The following USP22 variants were observed in gnomAD, a reference collection of about 807,000 sequenced individuals.
USP22 encodes the protein ubiquitin carboxyl-terminal hydrolase 22.
A neutral mutation model predicts 68.1 loss-of-function variants in USP22; 22 were observed. The ratio of observed to expected loss-of-function variants is 0.32; its 90% confidence interval spans 0.23 to 0.46. The LOEUF (loss-of-function observed/expected upper bound fraction) is 0.46. USP22 is among the 20% of genes least tolerant of loss of function. The pLI is 1.00. For synonymous variants in USP22, 279 were observed against 274.2 expected (o/e 1.02, Z -0.17); for missense variants, 433 against 695.8 (o/e 0.62, Z 4.25).
chr17:21,019,269 GCTGT>G, intron 3 of USP22, 84 bp from the exon 4 acceptor site: 2 of 1,379,674 alleles, frequency 1.4e-6, no homozygotes, highest in Non-Finnish European at 2.1e-6. Flanking sequence ...GTGGCGCTAT[GCTGT>G]CTGTCAGGGT....
intron 1 of USP22, among the ~76,000 whole-genome samples, chr17:21,037,191 A>G (rs1034961403): frequency 6.6e-6 from 1 of 152,252 alleles, no homozygotes; most frequent in Non-Finnish European, 1.5e-5. Context: ...ATGTTGATAT[A>G]CACAAATGAA....
intron 6 of USP22, among the ~76,000 whole-genome samples, chr17:21,014,941 C>T (rs969197748): frequency 6.6e-6 from 1 of 152,160 alleles, no homozygotes; most frequent in Non-Finnish European, 1.5e-5. Flanking sequence ...CCCTGCCCCC[C>T]ACAGATCTGC....
At chr17:21,009,006 G>A (rs147052909) in intron 8 of USP22, among the ~76,000 whole-genome samples, 114 of 145,432 alleles carry the variant, frequency 7.8e-4, no homozygotes, top group African/African-American at 2.9e-3. Context: ...CAGGAGAACC[G>A]CTTGAACCTG....
chr17:21,026,888 G>A (rs928812795), intron 2 of USP22, among the ~76,000 whole-genome samples: 4 of 150,152 alleles, frequency 2.7e-5, no homozygotes, highest in African/African-American at 7.4e-5. Context: ...TGCAACCTCC[G>A]CCTCCTGGGT....
chr17:21,015,774 G>A lies in USP22; in HGVS notation c.816C>T (p.Asp272=), dbSNP rs751768612. The change falls in exon 6 of 13, where the codon GAC becomes GAT. Residue 272 remains aspartate, a synonymous_variant. Transcript: ENST00000261497. ...CACCTTTGCAGTGTCGGTGGAGCAC[G>A]TCCAGGGCCGCGATGAGGAACTCGT... ...DAHEFLIAAL[D]VLHRHCKGDD... The A allele has an allele frequency of 1.4e-5, 22 of 1,613,364 alleles. No individual in the cohort carries two copies. The highest frequency in any genetic ancestry group is 4.4e-5 in the South Asian group (4 of 90,956).
Position 21,039,284 on chromosome 17 carries a change from T to C in USP22, c.171+3381A>G, listed in dbSNP as rs537160981. On this transcript the variant is annotated intron_variant, in intron 1 of 12. Transcript: ENST00000261497. ...TTTATAGTCTGCAATACAAGAGTTT[T>C]ATGGCAATTCGGGCCAGGCGCGGTG... Among the ~76,000 whole-genome samples, 547 of 151,690 alleles carry C rather than the reference T, an allele frequency of 3.6e-3. 2 individuals carry two copies. The highest frequency in any genetic ancestry group is 6.1e-3 in the Non-Finnish European group (417 of 67,842).
At chr17:21,020,858 G>C (rs564500061) in intron 3 of USP22, among the ~76,000 whole-genome samples, 2 of 152,224 alleles carry the variant, frequency 1.3e-5, no homozygotes, top group East Asian at 3.9e-4. Flanking sequence ...AGGCCCATGG[G>C]GGACCTGCAA....
intron 1 of USP22, among the ~76,000 whole-genome samples, chr17:21,032,922 C>CAAAAAAAAAAAAAAAAAAAAA (rs753804890): frequency 2.2e-5 from 2 of 91,578 alleles, no homozygotes; most frequent in African/African-American, 1.2e-4. Context: ...GACCCTGTCT[C>CAAAAAAAAAAAAAAAAAAAAA]AAAAAAAAAA....
In USP22 at chr17:21,028,667, G is replaced by A. The variant is rs774143401; in HGVS notation, c.179C>T (p.Ser60Phe). 150 of 1,613,628 alleles carry A rather than the reference G, an allele frequency of 9.3e-5. No individual in the cohort carries two copies. Among genetic ancestry groups the A allele is most frequent in the Non-Finnish European group, 1.2e-4 (142 of 1,179,976 alleles). Residue 60 changes from serine to phenylalanine, a missense_variant, in exon 2 of 13, where the codon TCC becomes TTC. Physicochemically the swap from Ser to Phe is radical, Grantham distance 155. Around this residue, in one of 4 missense-constraint regions of USP22, gnomAD observed 110 missense variants for 89.9 expected, o/e 1.22. Transcript: ENST00000261497. ...TAEARKRKAKSCICHVCGVHL... is the reference protein window; with the variant it reads ...TAEARKRKAKFCICHVCGVHL... ...GACGCCACAGACATGGCAGATACAG[G>A]ACTTGGCCTGAAATTCAGAGAAGAG...
intron 1 of USP22, 128 bp downstream of exon 1, chr17:21,042,537 G>C: frequency 1.1e-6 from 1 of 896,688 alleles, no homozygotes; most frequent in Non-Finnish European, 1.5e-6. Flanking sequence ...CAGAAGGAGA[G>C]AGGAAGAGGA....
At chr17:21,036,769 T>C (rs1972363667) in intron 1 of USP22, among the ~76,000 whole-genome samples, 1 of 152,298 alleles carries the variant, frequency 6.6e-6, no homozygotes, top group South Asian at 2.1e-4. Context: ...GATGAATATA[T>C]ATCAAATTAC....
chr17:21,034,634 G>C (rs1186152955), intron 1 of USP22, among the ~76,000 whole-genome samples: 1 of 152,142 alleles, frequency 6.6e-6, no homozygotes. Flanking sequence ...TAGGCCACCT[G>C]CCCGTTAAGT....
chr17:21,022,335 C>T (rs1424522501), intron 2 of USP22, among the ~76,000 whole-genome samples: 1 of 151,108 alleles, frequency 6.6e-6, no homozygotes, highest in Non-Finnish European at 1.5e-5. Context: ...GAAATAAGAT[C>T]CACTTTTGCT....
chr17:21,012,776 G>A (rs1914010583), intron 7 of USP22, 54 bp downstream of exon 7: 2 of 1,499,142 alleles, frequency 1.3e-6, no homozygotes, highest in Admixed American at 1.7e-5. Flanking sequence ...CTGGGAGGAT[G>A]TCAGTACGGC....
In USP22 at chr17:21,000,515, A is replaced by G. The variant is rs894110813; in HGVS notation, c.*2516T>C. ...TGACTCCATCTCTCTTCCCAGTTCTAATGTTCTCAGAACAGCAGCCACCCC... is the reference window on the plus strand; with the variant it reads ...TGACTCCATCTCTCTTCCCAGTTCTGATGTTCTCAGAACAGCAGCCACCCC... On this transcript the variant is annotated 3_prime_UTR_variant, in exon 13 of 13. Coordinates refer to ENST00000261497, the MANE Select transcript of USP22 (RefSeq NM_015276.2). 3 of 152,240 alleles carry G rather than the reference A, an allele frequency of 2.0e-5. No individual in the cohort carries two copies. The highest frequency in any genetic ancestry group is 7.2e-5 in the African/African-American group (3 of 41,444). The allele number at this position is 152,240 out of a possible 1,614,324, so 9.4% of individuals were successfully genotyped here.
intron 12 of USP22, among the ~76,000 whole-genome samples, chr17:21,003,694 G>A (rs1000662224): frequency 6.6e-6 from 1 of 152,138 alleles, no homozygotes; most frequent in Non-Finnish European, 1.5e-5. Flanking sequence ...CTGAAGTCAG[G>A]AGTTTGAAAC....
At chr17:21,003,213 G>C in intron 12 of USP22, 140 bp from the exon 13 acceptor site, 1 of 978,014 alleles carries the variant, frequency 1.0e-6, no homozygotes, top group South Asian at 1.4e-5. Context: ...TGGCTTTTTA[G>C]TCCGCAAGGA....
At chr17:21,004,817 G>T in intron 11 of USP22, 111 bp downstream of exon 11, 1 of 1,208,216 alleles carries the variant, frequency 8.3e-7, no homozygotes, top group Non-Finnish European at 1.2e-6. Flanking sequence ...AGCCAAGCGG[G>T]AAGCAGGTCA....
chr17:21,004,593 G>A (rs1290672268), intron 11 of USP22, among the ~76,000 whole-genome samples: 1 of 152,202 alleles, frequency 6.6e-6, no homozygotes, highest in Non-Finnish European at 1.5e-5. Flanking sequence ...GGTGACTGCA[G>A]TCAGCAGTGG....
Sources: gnomAD v4.1 joint callset for allele counts (sites outside exome capture counted in the v4.1 genomes callset) on GRCh38, gnomAD v4.1.1 for gene constraint, gnomAD v4.1.1 regional missense constraint, MANE v1.5 for transcripts, NCBI Gene and HGNC (gene_info 2026-07-23, HGNC 2026-07-21) for gene names.